HHAT: variants seen among roughly 807,000 people sequenced by gnomAD.
HHAT encodes protein-cysteine N-palmitoyltransferase HHAT.
Under a neutral mutation model 70.8 loss-of-function variants are expected in HHAT, and 47 were observed. The observed-to-expected ratio is 0.66, with a 90% CI of 0.53 to 0.85. HHAT has a LOEUF of 0.85. Ranked by LOEUF, HHAT falls within the 40% of genes least tolerant of loss-of-function variation. HHAT has a pLI of 0.00. For missense variants in HHAT, 609 were observed against 604.8 expected, an observed-to-expected ratio of 1.01 and a Z score of -0.07; for synonymous variants, 228 against 247.6, an observed-to-expected ratio of 0.92 and a Z score of 0.74.
At chr1:210,632,851 A>T (rs1345978444) in intron 11 of HHAT, among the ~76,000 whole-genome samples, 1 of 152,180 alleles carries the variant, frequency 6.6e-6, no homozygotes, top group Admixed American at 6.5e-5. Context: ...ACTGAGATAG[A>T]CATGCACAGA....
chr1:210,483,774 C>T (rs549334195), intron 8 of HHAT, among the ~76,000 whole-genome samples: 2 of 152,242 alleles, frequency 1.3e-5, no homozygotes, highest in South Asian at 2.1e-4. Flanking sequence ...TCATGGGTTA[C>T]ATTTTTGAAA....
rs2088502963 is a variant in HHAT at position 210,362,873 on chromosome 1, A to T, written c.113A>T (p.Gln38Leu). ...TCAGAACACGAAGAGGAGCTGGACC[A>T]GGAATTTGAGCTGGAGACTGACACT... ...VSREHEEELD[Q>L]EFELETDTLF... Residue 38 changes from glutamine to leucine, a missense_variant, in exon 3 of 12, where the codon CAG becomes CTG. Coordinates refer to ENST00000261458, the MANE Select transcript of HHAT (RefSeq NM_018194.6). The T allele has an allele frequency of 6.2e-7, 1 of 1,613,880 alleles. No homozygotes were observed.
chr1:210,398,989 T>C (rs1311416673), intron 4 of HHAT, among the ~76,000 whole-genome samples: 4 of 152,208 alleles, frequency 2.6e-5, no homozygotes, highest in Admixed American at 2.0e-4. Flanking sequence ...TGGGAAAGAA[T>C]GGTAGGTAGG....
intron 11 of HHAT, among the ~76,000 whole-genome samples, chr1:210,630,752 C>G (rs116085638): frequency 0.017 from 2,612 of 152,294 alleles, 36 homozygotes; most frequent in Middle Eastern, 0.027. Flanking sequence ...CTGTGTGATA[C>G]AATTCCAGAG....
chr1:210,476,301 C>T (rs1405969844), intron 8 of HHAT, among the ~76,000 whole-genome samples: 2 of 152,220 alleles, frequency 1.3e-5, no homozygotes, highest in Non-Finnish European at 2.9e-5. Context: ...AACAAATTCT[C>T]TGATACTGTC....
intron 9 of HHAT, among the ~76,000 whole-genome samples, chr1:210,520,305 G>A (rs2095136113): frequency 6.6e-6 from 1 of 152,150 alleles, no homozygotes; most frequent in Non-Finnish European, 1.5e-5. Context: ...ATGAGCCACT[G>A]CGCCTGACCC....
At position 210,504,459 on chromosome 1, in the gene HHAT, A is replaced by G. The variant is rs572553400; in HGVS notation, c.1008-8694A>G. On this transcript the variant is annotated intron_variant, in intron 8 of 11. Transcript: ENST00000261458. ...GGATTAACTTTTTGCCTGTGGTCAA[A>G]TGCTGTTACGTGGTAGAGCCAGAAT... Among the ~76,000 whole-genome samples, 8 of 152,338 alleles carry G rather than the reference A, an allele frequency of 5.3e-5. No homozygotes were observed. In the South Asian group the frequency reaches 1.7e-3, roughly 32 times the overall value.
upstream of HHAT, chr1:210,328,858 C>T (rs533281842): frequency 6.7e-6 from 3 of 450,608 alleles, no homozygotes; most frequent in South Asian, 1.1e-4. Flanking sequence ...CGCCATCGCC[C>T]GGAGAGCGCC....
At chr1:210,431,754 G>T (rs1167948622) in intron 7 of HHAT, among the ~76,000 whole-genome samples, 1 of 151,800 alleles carries the variant, frequency 6.6e-6, no homozygotes, top group Non-Finnish European at 1.5e-5. Flanking sequence ...TTGGACACGG[G>T]AATGAAATTC....
Position 210,349,000 on chromosome 1 carries a change from C to T in HHAT, c.25C>T (p.Leu9Phe), listed in dbSNP as rs143903658. 2 of 1,614,074 alleles carry T rather than the reference C, an allele frequency of 1.2e-6. No homozygotes were observed. The highest frequency in any genetic ancestry group is 4.5e-5 in the East Asian group (2 of 44,876). The change falls in exon 2 of 12, where the codon CTT becomes TTT. Residue 9 changes from leucine (L) to phenylalanine (F), a missense_variant. Coordinates refer to ENST00000261458, the MANE Select transcript of HHAT (RefSeq NM_018194.6). Reference protein sequence around the residue: MLPRWELALYLLASLGFHF... With the variant: MLPRWELAFYLLASLGFHF... ...CATGCTGCCCCGATGGGAACTGGCA[C>T]TTTACCTACTTGCCTCACTAGGCTT...
chr1:210,436,170 C>T (rs1041000979), intron 7 of HHAT, among the ~76,000 whole-genome samples: 1 of 151,812 alleles, frequency 6.6e-6, no homozygotes, highest in Non-Finnish European at 1.5e-5. Flanking sequence ...TTTGGTTCTT[C>T]TGCATGTGGT....
intron 7 of HHAT, among the ~76,000 whole-genome samples, chr1:210,422,482 A>G (rs1197243051): frequency 6.6e-6 from 1 of 152,058 alleles, no homozygotes; most frequent in African/African-American, 2.4e-5. Flanking sequence ...ATTAGCTTCC[A>G]CCTATGAGTG....
chr1:210,489,144 A>T (rs903387379), intron 8 of HHAT, among the ~76,000 whole-genome samples: 4 of 152,208 alleles, frequency 2.6e-5, no homozygotes, highest in Non-Finnish European at 5.9e-5. Flanking sequence ...CATTATTTTG[A>T]TATCATTCAT....
chr1:210,666,511 C>G (rs1678927108), intron 11 of HHAT, among the ~76,000 whole-genome samples: 1 of 152,050 alleles, frequency 6.6e-6, no homozygotes, highest in African/African-American at 2.4e-5. Context: ...TTTTTAGAGG[C>G]TCACTCTGTT....
intron 10 of HHAT, among the ~76,000 whole-genome samples, chr1:210,593,911 A>G (rs562478747): frequency 6.6e-6 from 1 of 152,268 alleles, no homozygotes; most frequent in East Asian, 1.9e-4. Flanking sequence ...ATCATTATAT[A>G]ATGATGATAT....
At chr1:210,402,347 A>G (rs1476836053) in intron 5 of HHAT, among the ~76,000 whole-genome samples, 1 of 152,132 alleles carries the variant, frequency 6.6e-6, no homozygotes, top group Non-Finnish European at 1.5e-5. Flanking sequence ...TCTCCTTCCT[A>G]GCCCGGTTCC....
chr1:210,496,304 A>G (rs2148529181), intron 8 of HHAT, among the ~76,000 whole-genome samples: 1 of 152,266 alleles, frequency 6.6e-6, no homozygotes, highest in East Asian at 1.9e-4. Flanking sequence ...GCCTTTCCTT[A>G]GGGCTACTCA....
rs377044529 is a variant in HHAT at position 210,348,962 on chromosome 1, C to A, written c.-14C>A. 3.7e-6 allele frequency: 6 copies of A among 1,613,062 alleles called. No individual in the cohort carries two copies. The highest frequency in any genetic ancestry group is 4.2e-6 in the Non-Finnish European group (5 of 1,179,712). ...TCTCAGCGTAGGCATCGGGAACCTT[C>A]GTGCCAAGGAGCCATGCTGCCCCGA... On this transcript the variant is annotated 5_prime_UTR_variant, in exon 2 of 12. Transcript: ENST00000261458.
Position 210,588,105 on chromosome 1 carries a change from C to T in HHAT, c.1245+6C>T. The stretch of plus-strand genomic sequence containing the variant: ...CCTGCATCCAGGACAGTCTGGTGAG[C>T]AGGATCCTTGCTGCTGTGTTAGGGG... On this transcript the variant is annotated splice_donor_region_variant and intron_variant, in intron 10 of 11. Transcript: ENST00000261458. 6.3e-7 allele frequency: 1 copy of T among 1,593,602 alleles called. No individual in the cohort carries two copies. Among genetic ancestry groups the T allele is most frequent in the South Asian group, 1.1e-5 (1 of 89,056 alleles).
Sources: gnomAD v4.1 joint callset for allele counts (sites outside exome capture counted in the v4.1 genomes callset) on GRCh38, gnomAD v4.1.1 for gene constraint, MANE v1.5 for transcripts, NCBI Gene and HGNC (gene_info 2026-07-23, HGNC 2026-07-21) for gene names.